Variants in MARCHF1 observed in about 807,000 individuals in gnomAD.
MARCHF1 encodes E3 ubiquitin-protein ligase MARCHF1.
In MARCHF1, 40 loss-of-function variants were observed where a neutral mutation model predicts 54.2. That is an observed-to-expected ratio of 0.74 (90% CI 0.57 to 0.96). MARCHF1 has a LOEUF of 0.96. MARCHF1 is among the 40% of genes least tolerant of loss of function. MARCHF1 has a pLI of 0.00. For missense variants in MARCHF1, 586 were observed against 656.5 expected, an observed-to-expected ratio of 0.89 and a Z score of 1.17; for synonymous variants, 236 against 236.3, an observed-to-expected ratio of 1.00 and a Z score of 0.01.
intron 1 of MARCHF1, among the ~76,000 whole-genome samples, chr4:164,208,896 G>A (rs1239057736): frequency 6.6e-6 from 1 of 152,020 alleles, no homozygotes; most frequent in Non-Finnish European, 1.5e-5. Flanking sequence ...GTTGCAGTGA[G>A]CTGAGATCAT....
At chr4:163,988,186 A>G (rs965413003) in intron 3 of MARCHF1, among the ~76,000 whole-genome samples, 1 of 152,202 alleles carries the variant, frequency 6.6e-6, no homozygotes, top group African/African-American at 2.4e-5. Context: ...GAGCCAACCC[A>G]AAACAGCCGG....
chr4:163,911,695 A>G (rs1378442820), intron 3 of MARCHF1, among the ~76,000 whole-genome samples: 3 of 152,210 alleles, frequency 2.0e-5, no homozygotes, highest in African/African-American at 7.2e-5. Context: ...TAAAAGGGCA[A>G]TTAAGGTAAA....
At chr4:163,936,028 G>C (rs960161647) in intron 3 of MARCHF1, among the ~76,000 whole-genome samples, 2 of 152,044 alleles carry the variant, frequency 1.3e-5, no homozygotes, top group African/African-American at 4.8e-5. Context: ...GCTATCGTAT[G>C]GTAATTAGTT....
chr4:163,620,480 T>C (rs1410174730), intron 5 of MARCHF1, among the ~76,000 whole-genome samples: 2 of 152,004 alleles, frequency 1.3e-5, no homozygotes, highest in African/African-American at 4.8e-5. Flanking sequence ...TACAGCATTA[T>C]CTGTAATAGC....
intron 2 of MARCHF1, among the ~76,000 whole-genome samples, chr4:164,069,761 T>C (rs1409723954): frequency 6.6e-6 from 1 of 152,168 alleles, no homozygotes; most frequent in Non-Finnish European, 1.5e-5. Context: ...ACACCATTAC[T>C]AGGTATATAC....
At chr4:163,566,067 C>T (rs1267798861) in intron 8 of MARCHF1, among the ~76,000 whole-genome samples, 1 of 152,172 alleles carries the variant, frequency 6.6e-6, no homozygotes, top group Non-Finnish European at 1.5e-5. Flanking sequence ...CTTTGTGGCA[C>T]TGTTCAAAGT....
intron 1 of MARCHF1, among the ~76,000 whole-genome samples, chr4:164,117,931 T>C (rs1053360806): frequency 2.6e-5 from 4 of 152,130 alleles, no homozygotes; most frequent in East Asian, 3.9e-4. Flanking sequence ...CTGATAGTTA[T>C]AAATCTATTC....
At chr4:164,138,578 A>T (rs1273219333) in intron 1 of MARCHF1, among the ~76,000 whole-genome samples, 1 of 152,188 alleles carries the variant, frequency 6.6e-6, no homozygotes. Context: ...CAAATTAAGG[A>T]ACGGGTATGG....
chr4:164,190,552 T>A (rs1208215789), intron 1 of MARCHF1, among the ~76,000 whole-genome samples: 1 of 151,352 alleles, frequency 6.6e-6, no homozygotes, highest in Non-Finnish European at 1.5e-5. Flanking sequence ...TCTTAAAAAG[T>A]GGGTAAAAAA....
chr4:163,782,974 G>A (rs916057462), intron 4 of MARCHF1, among the ~76,000 whole-genome samples: 3 of 152,108 alleles, frequency 2.0e-5, no homozygotes, highest in Non-Finnish European at 4.4e-5. Context: ...ACTAGATTAA[G>A]ACAATTGTAT....
intron 1 of MARCHF1, chr4:164,189,555 A>G: frequency 3.3e-6 from 3 of 902,338 alleles, no homozygotes; most frequent in South Asian, 2.8e-5. Flanking sequence ...ATGAAGCTGT[A>G]GTGCATGGTG....
At chr4:163,575,242 C>A (rs1211892142) in intron 8 of MARCHF1, among the ~76,000 whole-genome samples, 2 of 151,962 alleles carry the variant, frequency 1.3e-5, no homozygotes, top group Non-Finnish European at 2.9e-5. Context: ...GGGTTTTTAT[C>A]ATGAAGGAAT....
chr4:163,642,332 C>T (rs1046293200), intron 5 of MARCHF1, among the ~76,000 whole-genome samples: 1 of 152,000 alleles, frequency 6.6e-6, no homozygotes, highest in South Asian at 2.1e-4. Context: ...TTTTTATTAA[C>T]ATAAATTTTC....
At chr4:164,340,335 G>GAAGC (rs1304816721) in intron 1 of MARCHF1, among the ~76,000 whole-genome samples, 5 of 144,152 alleles carry the variant, frequency 3.5e-5, no homozygotes, top group Non-Finnish European at 7.6e-5. Flanking sequence ...CTCCTGGGCT[G>GAAGC]AAGCAATCCT....
chr4:163,720,841 G>T (rs141037715), intron 4 of MARCHF1, among the ~76,000 whole-genome samples: 37 of 152,096 alleles, frequency 2.4e-4, no homozygotes, highest in Admixed American at 6.5e-5. Context: ...TCTGTTATTG[G>T]TGTATAAGAA....
intron 4 of MARCHF1, among the ~76,000 whole-genome samples, chr4:163,705,215 T>A (rs78014105): frequency 0.029 from 4,373 of 151,814 alleles, 76 homozygotes; most frequent in East Asian, 0.076. Context: ...GAACACATAA[T>A]TCCAATATTA....
chr4:163,571,392 C>T (rs778985078), intron 8 of MARCHF1, among the ~76,000 whole-genome samples: 3 of 152,108 alleles, frequency 2.0e-5, no homozygotes, highest in Admixed American at 6.6e-5. Context: ...ACTGGCCACA[C>T]GGCAGGTGCT....
In MARCHF1 at chr4:163,551,875, G is replaced by A. The variant is rs114782660; in HGVS notation, c.1192-6132C>T. Among the ~76,000 whole-genome samples, 659 of 152,270 alleles carry A rather than the reference G, an allele frequency of 4.3e-3. 2 individuals carry two copies. The highest frequency in any genetic ancestry group is 0.015 in the African/African-American group (630 of 41,552). On this transcript the variant is annotated intron_variant, in intron 8 of 9. Transcript: ENST00000514618. The stretch of plus-strand genomic sequence containing the variant: ...ATGATTGTGAGACCTCCCCAGTCAT[G>A]TGGAACTATGAGTCCATTAAACCTC...
chr4:164,008,356 G>T (rs1369984280), intron 2 of MARCHF1, among the ~76,000 whole-genome samples: 4 of 151,882 alleles, frequency 2.6e-5, no homozygotes, highest in Non-Finnish European at 5.9e-5. Context: ...AGATCTAAAG[G>T]GAGAAACAGA....
Sources: gnomAD v4.1 joint callset for allele counts (sites outside exome capture counted in the v4.1 genomes callset) on GRCh38, gnomAD v4.1.1 for gene constraint, MANE v1.5 for transcripts, NCBI Gene and HGNC (gene_info 2026-07-23, HGNC 2026-07-21) for gene names.